CHRM2: variants seen among roughly 807,000 people sequenced by gnomAD.
CHRM2 encodes the protein muscarinic acetylcholine receptor M2.
In CHRM2, 8 loss-of-function variants were observed where a neutral mutation model predicts 25.0. The observed-to-expected ratio is 0.32, with a 90% CI of 0.19 to 0.58. CHRM2 has a LOEUF of 0.58. Ranked by LOEUF, CHRM2 falls within the 20% of genes least tolerant of loss-of-function variation. The pLI, the probability that CHRM2 is intolerant of heterozygous loss-of-function variation, is 0.88. For missense variants in CHRM2, 440 were observed against 567.1 expected (o/e 0.78, Z 2.28); for synonymous variants, 202 against 205.7 (o/e 0.98, Z 0.15).
At chr7:137,006,050 C>T (rs1279217562) in intron 3 of CHRM2, among the ~76,000 whole-genome samples, 2 of 152,066 alleles carry the variant, frequency 1.3e-5, no homozygotes, top group African/African-American at 4.8e-5. Context: ...AGGGCTTTCT[C>T]CACTTTTGCT....
At chr7:136,936,238 G>C (rs553726250) in intron 2 of CHRM2, among the ~76,000 whole-genome samples, 1 of 152,076 alleles carries the variant, frequency 6.6e-6, no homozygotes, top group Non-Finnish European at 1.5e-5. Flanking sequence ...CAAGCAAGTG[G>C]TTCACCGCTA....
intron 2 of CHRM2, among the ~76,000 whole-genome samples, chr7:136,984,487 A>C (rs1802709086): frequency 6.6e-6 from 1 of 150,818 alleles, no homozygotes; most frequent in African/African-American, 2.4e-5. Flanking sequence ...CACCGGGGTA[A>C]GAAAAAAAAA....
chr7:136,965,675 A>G (rs183296848), intron 2 of CHRM2, among the ~76,000 whole-genome samples: 20 of 152,160 alleles, frequency 1.3e-4, no homozygotes, highest in Admixed American at 1.2e-3. Flanking sequence ...TAATTTGAAA[A>G]CAGCTTCATC....
chr7:136,881,697 T>G (rs1032276128), intron 2 of CHRM2, among the ~76,000 whole-genome samples: 2 of 152,062 alleles, frequency 1.3e-5, no homozygotes, highest in African/African-American at 4.8e-5. Context: ...TGATTATATC[T>G]TTTACATGAT....
chr7:136,991,729 C>T (rs141380186), intron 2 of CHRM2, among the ~76,000 whole-genome samples: 5 of 152,186 alleles, frequency 3.3e-5, no homozygotes, highest in South Asian at 2.1e-4. Flanking sequence ...TCCTCTGCCA[C>T]GTCTGTCTGA....
chr7:136,993,172 G>A (rs1490004482), intron 3 of CHRM2, among the ~76,000 whole-genome samples: 1 of 152,170 alleles, frequency 6.6e-6, no homozygotes, highest in African/African-American at 2.4e-5. Flanking sequence ...ATAGAAGTGA[G>A]TTATGGCTGT....
chr7:137,019,943 C>T lies in CHRM2; in HGVS notation c.*3677C>T, dbSNP rs1331012105. 6.6e-6 allele frequency: 1 copy of T among 151,852 alleles called. No homozygotes were observed. Among genetic ancestry groups the T allele is most frequent in the Non-Finnish European group, 1.5e-5 (1 of 67,900 alleles). The allele number at this position is 151,852 out of a possible 1,614,324, so 9.4% of individuals were successfully genotyped here. On this transcript the variant is annotated 3_prime_UTR_variant, in exon 4 of 4. Transcript: ENST00000680005. ...TCCTACTTAGTTCATTGACAGTTTCCTCCTCGCCCCAGTTTGATAATATCC... is the reference window on the plus strand; with the variant it reads ...TCCTACTTAGTTCATTGACAGTTTCTTCCTCGCCCCAGTTTGATAATATCC...
rs1022757735 is a variant in CHRM2, at chr7:137,018,600, G to A, written c.*2334G>A. Reference sequence around the variant, plus strand: ...GAACCCTTTGGCATCCAGGATTCAGGATTCAGGGTCTTTTTTTGTTTGCTC... The same window carrying A: ...GAACCCTTTGGCATCCAGGATTCAGAATTCAGGGTCTTTTTTTGTTTGCTC... On this transcript the variant is annotated 3_prime_UTR_variant, in exon 4 of 4. Coordinates refer to ENST00000680005, the MANE Select transcript of CHRM2 (RefSeq NM_001006630.2). The A allele has an allele frequency of 6.6e-6, 1 of 151,794 alleles. No individual in the cohort carries two copies. Among genetic ancestry groups the A allele is most frequent in the African/African-American group, 2.4e-5 (1 of 41,386 alleles). 9.4% of individuals were successfully genotyped at this position (151,794 alleles called of 1,614,324 possible). A position where few individuals can be genotyped will look rare whatever the true frequency, so the allele number is the denominator to read the frequency against.
At chr7:137,002,255 T>C (rs1804091809) in intron 3 of CHRM2, among the ~76,000 whole-genome samples, 1 of 152,188 alleles carries the variant, frequency 6.6e-6, no homozygotes, top group Non-Finnish European at 1.5e-5. Flanking sequence ...TTTAGAGTGA[T>C]ATGGTAAATG....
chr7:136,956,529 A>G (rs950230231), intron 2 of CHRM2, among the ~76,000 whole-genome samples: 1 of 152,196 alleles, frequency 6.6e-6, no homozygotes, highest in African/African-American at 2.4e-5. Flanking sequence ...TCAATATGTA[A>G]AACAGATACA....
intron 2 of CHRM2, among the ~76,000 whole-genome samples, chr7:136,941,808 G>T (rs1362989648): frequency 6.6e-6 from 1 of 152,166 alleles, no homozygotes; most frequent in African/African-American, 2.4e-5. Flanking sequence ...GGTAGTGGAT[G>T]CTTCTGTTTA....
intron 3 of CHRM2, among the ~76,000 whole-genome samples, chr7:136,998,473 C>A (rs1803757094): frequency 6.6e-6 from 1 of 152,114 alleles, no homozygotes; most frequent in Admixed American, 6.6e-5. Context: ...CATCTCTGAC[C>A]TCTCAGTCAG....
chr7:137,011,540 G>T (rs1022501497), intron 3 of CHRM2, among the ~76,000 whole-genome samples: 9 of 151,854 alleles, frequency 5.9e-5, no homozygotes, highest in African/African-American at 2.2e-4. Flanking sequence ...ACTGGGCTCT[G>T]GCCAATTGGA....
intron 2 of CHRM2, among the ~76,000 whole-genome samples, chr7:136,926,984 T>C (rs1178046555): frequency 2.0e-5 from 3 of 152,226 alleles, no homozygotes; most frequent in Non-Finnish European, 4.4e-5. Flanking sequence ...ATTTTCTATT[T>C]GCCTTAAAGT....
At chr7:137,002,071 A>C (rs1486386738) in intron 3 of CHRM2, among the ~76,000 whole-genome samples, 1 of 152,154 alleles carries the variant, frequency 6.6e-6, no homozygotes, top group Non-Finnish European at 1.5e-5. Context: ...AGAAAGAAAA[A>C]ATATGAGAAA....
intron 2 of CHRM2, among the ~76,000 whole-genome samples, chr7:136,975,875 T>A (rs1802071988): frequency 6.6e-6 from 1 of 152,132 alleles, no homozygotes; most frequent in Non-Finnish European, 1.5e-5. Flanking sequence ...CCAGGATAAT[T>A]CCAATACTCT....
In CHRM2 at chr7:137,015,927, A is replaced by T; in HGVS notation, c.1062A>T (p.Gly354=). ...TAGTGGGGTCTTCAGGTCAGAATGG[A>T]GATGAAAAGCAGAATATTGTAGCCC... is the stretch of plus-strand genomic sequence containing the variant. ...VEVVGSSGQN[G]DEKQNIVARK... is the part of the protein sequence containing the mutation. Residue 354 remains glycine (G), a synonymous_variant, in exon 4 of 4, where the codon GGA becomes GGT. Transcript: ENST00000680005. The surrounding 1 kb of genome is among the most constrained non-coding windows in gnomAD (Gnocchi z 5.1). The T allele has an allele frequency of 6.2e-7, 1 of 1,613,192 alleles. No homozygotes were observed. Among genetic ancestry groups the T allele is most frequent in the Non-Finnish European group, 8.5e-7 (1 of 1,179,468 alleles).
Position 136,992,226 on chromosome 7 carries a change from T to C in CHRM2, c.-85T>C, listed in dbSNP as rs1803279809. 6.6e-6 allele frequency: 1 copy of C among 152,166 alleles called. No homozygotes were observed. The highest frequency in any genetic ancestry group is 2.1e-4 in the South Asian group (1 of 4,832). 9.4% of individuals were successfully genotyped at this position (152,166 alleles called of 1,614,324 possible). On this transcript the variant is annotated 5_prime_UTR_variant, in exon 3 of 4. Transcript: ENST00000680005. ...GAGTACAGGGTCTGGATCTTACCCATTCAAGAGTGTATTCTCAGCACCCAA... is the reference window on the plus strand; with the variant it reads ...GAGTACAGGGTCTGGATCTTACCCACTCAAGAGTGTATTCTCAGCACCCAA...
At chr7:136,916,490 T>C (rs1798120363) in intron 2 of CHRM2, among the ~76,000 whole-genome samples, 1 of 151,708 alleles carries the variant, frequency 6.6e-6, no homozygotes, top group Non-Finnish European at 1.5e-5. Context: ...TAATTGAAAA[T>C]TATTTTATGC....
Sources: allele counts gnomAD v4.1 joint callset (sites outside exome capture counted in the v4.1 genomes callset), GRCh38; gene constraint gnomAD v4.1.1; non-coding constraint Gnocchi (gnomAD v3.1); transcripts MANE v1.5; gene names NCBI Gene and HGNC (gene_info 2026-07-23, HGNC 2026-07-21).